Variants in FGF12 observed in about 807,000 individuals in gnomAD.
FGF12 encodes the protein fibroblast growth factor 12B.
In FGF12, 14 loss-of-function variants were observed where a neutral mutation model predicts 23.6. That is an observed-to-expected ratio of 0.59 (90% CI 0.39 to 0.93). The LOEUF (loss-of-function observed/expected upper bound fraction) is 0.93. Ranked by LOEUF, FGF12 falls within the 40% of genes least tolerant of loss-of-function variation. The pLI is 0.00. For missense variants in FGF12, 175 were observed against 217.8 expected (o/e 0.80, Z 1.24); for synonymous variants, 62 against 77.3 (o/e 0.80, Z 1.04).
At chr3:192,215,858 C>T (rs907220304) in intron 4 of FGF12, among the ~76,000 whole-genome samples, 2 of 152,162 alleles carry the variant, frequency 1.3e-5, no homozygotes, top group African/African-American at 4.8e-5. Context: ...TCTCATCTAA[C>T]GTCCAGCTTT....
chr3:192,526,781 A>T (rs1411338921), intron 2 of FGF12, among the ~76,000 whole-genome samples: 1 of 152,250 alleles, frequency 6.6e-6, no homozygotes, highest in South Asian at 2.1e-4. Flanking sequence ...AGAGTTAACC[A>T]TATGGTTCGA....
At chr3:192,629,462 G>A (rs1457066721) in intron 2 of FGF12, among the ~76,000 whole-genome samples, 1 of 152,218 alleles carries the variant, frequency 6.6e-6, no homozygotes, top group Non-Finnish European at 1.5e-5. Flanking sequence ...AAGGAAACCA[G>A]CGATCTCAAG....
intron 2 of FGF12, among the ~76,000 whole-genome samples, chr3:192,654,471 A>C (rs190132971): frequency 5.9e-5 from 9 of 152,364 alleles, no homozygotes; most frequent in Non-Finnish European, 1.2e-4. Context: ...TTGAATTTAC[A>C]TATGATTTTC....
intron 2 of FGF12, among the ~76,000 whole-genome samples, chr3:192,701,234 C>T (rs576485024): frequency 6.6e-6 from 1 of 152,320 alleles, no homozygotes; most frequent in South Asian, 2.1e-4. Flanking sequence ...CTACCTATGA[C>T]CTGGGAGCCC....
At chr3:192,577,305 A>G (rs1367998125) in intron 2 of FGF12, among the ~76,000 whole-genome samples, 4 of 152,220 alleles carry the variant, frequency 2.6e-5, no homozygotes, top group Non-Finnish European at 4.4e-5. Flanking sequence ...ATACTTTTCT[A>G]CTTTTGAACT....
intron 2 of FGF12, among the ~76,000 whole-genome samples, chr3:192,652,700 T>C (rs1178251483): frequency 6.6e-6 from 1 of 152,180 alleles, no homozygotes; most frequent in East Asian, 1.9e-4. Context: ...GAAGTCTGTG[T>C]TTTAGCAAGT....
chr3:192,215,329 C>T (rs1273883509), intron 4 of FGF12, among the ~76,000 whole-genome samples: 1 of 152,186 alleles, frequency 6.6e-6, no homozygotes, highest in Admixed American at 6.5e-5. Context: ...AGGAGAAATA[C>T]TTGGTACTCA....
At chr3:192,702,001 C>T (rs2108730589) in intron 2 of FGF12, among the ~76,000 whole-genome samples, 2 of 152,236 alleles carry the variant, frequency 1.3e-5, no homozygotes, top group East Asian at 3.9e-4. Context: ...ACTTTTTACC[C>T]TCCCTCCCTT....
At chr3:192,694,630 G>C (rs1022264290) in intron 2 of FGF12, among the ~76,000 whole-genome samples, 3 of 151,494 alleles carry the variant, frequency 2.0e-5, no homozygotes, top group Non-Finnish European at 2.9e-5. Flanking sequence ...GGGTATATAC[G>C]TATACGTACA....
intron 2 of FGF12, among the ~76,000 whole-genome samples, chr3:192,482,718 T>A (rs1274243345): frequency 6.6e-5 from 10 of 152,142 alleles, no homozygotes; most frequent in Non-Finnish European, 1.3e-4. Context: ...AGCTGTGTGA[T>A]CTTGTGCTGT....
intron 2 of FGF12, among the ~76,000 whole-genome samples, chr3:192,406,354 T>C (rs1277376221): frequency 2.6e-5 from 4 of 152,006 alleles, no homozygotes; most frequent in Non-Finnish European, 5.9e-5. Context: ...AAACGTCATA[T>C]AATTTTCCCA....
At chr3:192,538,625 T>G (rs908874966) in intron 2 of FGF12, among the ~76,000 whole-genome samples, 1 of 152,206 alleles carries the variant, frequency 6.6e-6, no homozygotes, top group Non-Finnish European at 1.5e-5. Context: ...CTGGGTCTTT[T>G]GCAGTTCTAT....
At chr3:192,273,400 C>T (rs571736152) in intron 4 of FGF12, among the ~76,000 whole-genome samples, 1 of 152,224 alleles carries the variant, frequency 6.6e-6, no homozygotes. Context: ...GACAAAAAGA[C>T]CAAGTTTCCC....
intron 2 of FGF12, among the ~76,000 whole-genome samples, chr3:192,416,752 T>C (rs1162364453): frequency 6.6e-6 from 1 of 152,084 alleles, no homozygotes; most frequent in Admixed American, 6.6e-5. Context: ...TAAAACAATA[T>C]TCCCCTGTGC....
intron 2 of FGF12, among the ~76,000 whole-genome samples, chr3:192,564,028 T>C (rs1013354803): frequency 1.4e-5 from 2 of 141,688 alleles, no homozygotes; most frequent in African/African-American, 5.6e-5. Context: ...AGACTATGTG[T>C]AGTTTTTTGT....
At chr3:192,256,534 C>G (rs1487735307) in intron 4 of FGF12, among the ~76,000 whole-genome samples, 2 of 151,708 alleles carry the variant, frequency 1.3e-5, no homozygotes, top group South Asian at 4.2e-4. Context: ...ATGATGTGCT[C>G]TATACTAATT....
intron 4 of FGF12, among the ~76,000 whole-genome samples, chr3:192,186,216 G>A (rs932016263): frequency 2.0e-5 from 3 of 152,146 alleles, no homozygotes; most frequent in African/African-American, 7.2e-5. Flanking sequence ...GGTATTCTGG[G>A]ACCTGGAGAG....
At chr3:192,324,293 A>C (rs1200587784) in intron 4 of FGF12, among the ~76,000 whole-genome samples, 1 of 152,148 alleles carries the variant, frequency 6.6e-6, no homozygotes, top group Non-Finnish European at 1.5e-5. Context: ...CCAAGACCAG[A>C]GTGACTAAAG....
chr3:192,693,970 C>T (rs1440600399), intron 2 of FGF12, among the ~76,000 whole-genome samples: 1 of 151,998 alleles, frequency 6.6e-6, no homozygotes, highest in African/African-American at 2.4e-5. Flanking sequence ...GAAAAGCAGA[C>T]TAAAGATTGG....
Sources: gnomAD v4.1 joint callset for allele counts (sites outside exome capture counted in the v4.1 genomes callset) on GRCh38, gnomAD v4.1.1 for gene constraint, MANE v1.5 for transcripts, NCBI Gene and HGNC (gene_info 2026-07-23, HGNC 2026-07-21) for gene names.